UPK3A: variants seen among roughly 807,000 people sequenced by gnomAD.
UPK3A encodes uroplakin-3a.
Under a neutral mutation model 27.6 loss-of-function variants are expected in UPK3A, and 32 were observed. The ratio of observed to expected loss-of-function variants is 1.16; its 90% confidence interval spans 0.87 to 1.55. UPK3A has a LOEUF of 1.55. Among genes scored for constraint, UPK3A ranks in the 40% most tolerant of loss-of-function variants. UPK3A has a pLI of 0.00. For missense variants in UPK3A, 370 were observed against 367.9 expected (o/e 1.01, Z -0.05); for synonymous variants, 171 against 163.9 (o/e 1.04, Z -0.33).
rs752634913 is a variant in UPK3A, at chr22:45,293,238, T to C, written c.629T>C (p.Val210Ala). 8.7e-6 allele frequency: 14 copies of C among 1,614,040 alleles called. No individual in the cohort carries two copies. The highest frequency in any genetic ancestry group is 1.7e-5 in the Admixed American group (1 of 60,000). The change falls in exon 5 of 6, where the codon GTC becomes GCC. Residue 210 changes from valine (V) to alanine (A), a missense_variant. Transcript: ENST00000216211. ...GGCCGGCGGAGCGGAGGCATGATCG[T>C]CATCACTTCCATCCTGGGCTCCCTG... ...WPGRRSGGMI[V>A]ITSILGSLPF...
chr22:45,292,276 G>C (rs2084167289), intron 4 of UPK3A, among the ~76,000 whole-genome samples: 1 of 152,160 alleles, frequency 6.6e-6, no homozygotes, highest in Admixed American at 6.5e-5. Context: ...CCCATCTGGG[G>C]GACAGCATGC....
chr22:45,285,017 C>T lies in UPK3A; in HGVS notation c.4C>T (p.Pro2Ser). 2 of 1,532,294 alleles carry T rather than the reference C, an allele frequency of 1.3e-6. No individual in the cohort carries two copies. Among genetic ancestry groups the T allele is most frequent in the Non-Finnish European group, 1.7e-6 (2 of 1,146,088 alleles). The allele number at this position is 1,532,294 out of a possible 1,614,324, so 94.9% of individuals were successfully genotyped here. A position where few individuals can be genotyped will look rare whatever the true frequency, so the allele number is the denominator to read the frequency against. M[P>S]PLWALLALGC... ...CTCTGGCGGCTCCTCCCGGGCGATGCCTCCGCTCTGGGCCCTGCTGGCCCT... is the reference window on the plus strand; with the variant it reads ...CTCTGGCGGCTCCTCCCGGGCGATGTCTCCGCTCTGGGCCCTGCTGGCCCT... Residue 2 changes from proline (P) to serine (S), a missense_variant, in exon 1 of 6, where the codon CCT (proline) becomes TCT (serine). Transcript: ENST00000216211.
chr22:45,290,675 T>C (rs912242015), intron 4 of UPK3A, among the ~76,000 whole-genome samples: 3 of 151,988 alleles, frequency 2.0e-5, no homozygotes, highest in African/African-American at 7.3e-5. Context: ...CATGGACCAG[T>C]ACCAGTCCAT....
intron 3 of UPK3A, among the ~76,000 whole-genome samples, chr22:45,288,743 C>T (rs1200470149): frequency 1.3e-5 from 2 of 152,128 alleles, no homozygotes; most frequent in Non-Finnish European, 2.9e-5. Flanking sequence ...AACTATGCCA[C>T]GTGTGTTACA....
rs745526010 is a variant in UPK3A at position 45,293,296 on chromosome 22, C to T, written c.687C>T (p.Ala229=). ...TTCTACTTGTGGGTTTTGCTGGCGC[C>T]ATTGCCCTCAGCCTCGTGTAAGTAC... The part of the protein sequence containing the change: ...PFFLLVGFAG[A]IALSLVDMGS... Residue 229 remains alanine, a synonymous_variant, in exon 5 of 6, where the codon GCC becomes GCT. Coordinates refer to ENST00000216211, the MANE Select transcript of UPK3A (RefSeq NM_006953.4). 6.2e-7 allele frequency: 1 copy of T among 1,613,916 alleles called. No individual in the cohort carries two copies. The highest frequency in any genetic ancestry group is 1.1e-5 in the South Asian group (1 of 91,088).
At chr22:45,293,382 C>T in intron 5 of UPK3A, 69 bp downstream of exon 5, 9 of 1,597,894 alleles carry the variant, frequency 5.6e-6, no homozygotes, top group Non-Finnish European at 7.7e-6. Context: ...CACAGGGACT[C>T]AGCAGTGGGG....
At chr22:45,285,221 T>A (rs1341999349) in intron 1 of UPK3A, among the ~76,000 whole-genome samples, 156 bp downstream of exon 1, 1 of 152,144 alleles carries the variant, frequency 6.6e-6, no homozygotes, top group African/African-American at 2.4e-5. Context: ...CCTCCTCTGT[T>A]GGGAATCCGA....
At position 45,285,077 on chromosome 22, in the gene UPK3A, A is replaced by G; in HGVS notation, c.52+12A>G. ...GCGGTTCGGCTCGGGTAGGCGGTGA[A>G]GGGCAGGAGGGGGCTGAGCCCAGAA... is the stretch of plus-strand genomic sequence containing the variant. On this transcript the variant is annotated intron_variant, in intron 1 of 5. Transcript: ENST00000216211. 2 of 1,534,988 alleles carry G rather than the reference A, an allele frequency of 1.3e-6. No homozygotes were observed. Among genetic ancestry groups the G allele is most frequent in the Non-Finnish European group, 1.7e-6 (2 of 1,147,158 alleles).
At chr22:45,290,022 GAT>G (rs2084149202) in intron 4 of UPK3A, among the ~76,000 whole-genome samples, 1 of 152,134 alleles carries the variant, frequency 6.6e-6, no homozygotes, top group South Asian at 2.1e-4. Context: ...GGCCAGGTAA[GAT>G]GTTTCCAAGG....
At chr22:45,292,196 GCAGCAGGGTTCCTTTGGGGAACC>G (rs2084166487) in intron 4 of UPK3A, among the ~76,000 whole-genome samples, 1 of 152,186 alleles carries the variant, frequency 6.6e-6, no homozygotes, top group Non-Finnish European at 1.5e-5. Context: ...ATGGGCCTCT[GCAGCAGGGTTCCTTTGGGGAACC>G]CAGGCAGAAG....
intron 4 of UPK3A, among the ~76,000 whole-genome samples, chr22:45,292,719 C>T (rs1476036699): frequency 6.6e-6 from 1 of 151,626 alleles, no homozygotes; most frequent in Non-Finnish European, 1.5e-5. Flanking sequence ...GACTGGGCAA[C>T]ATGGTGAAAC....
chr22:45,285,805 G>A (rs1251487134), intron 1 of UPK3A, 136 bp from the exon 2 acceptor site: 5 of 1,288,086 alleles, frequency 3.9e-6, no homozygotes, highest in Non-Finnish European at 5.4e-6. Flanking sequence ...GGCAGTGTCT[G>A]AGACAGCTTA....
intron 4 of UPK3A, among the ~76,000 whole-genome samples, chr22:45,292,753 A>G (rs2084170020): frequency 2.0e-5 from 3 of 151,962 alleles, no homozygotes; most frequent in Admixed American, 1.3e-4. Context: ...AAAAAAGTAC[A>G]ACAAATTAGC....
chr22:45,293,342 A>C, intron 5 of UPK3A, 29 bp downstream of exon 5: 1 of 1,612,410 alleles, frequency 6.2e-7, no homozygotes, highest in Non-Finnish European at 8.5e-7. Flanking sequence ...GGAGGGCTGG[A>C]CCCCAGGGAC....
Position 45,295,571 on chromosome 22 carries a change from G to T in UPK3A, c.716G>T (p.Ser239Ile), listed in dbSNP as rs1211227466. The T allele has an allele frequency of 6.2e-7, 1 of 1,613,992 alleles. No individual in the cohort carries two copies. The highest frequency in any genetic ancestry group is 8.5e-7 in the Non-Finnish European group (1 of 1,180,036). Residue 239 changes from serine (S) to isoleucine (I), a missense_variant, in exon 6 of 6, where the codon AGT becomes ATT. Physicochemically the swap from Ser to Ile is moderately radical, Grantham distance 142. Transcript: ENST00000216211. ...AIALSLVDMG[S>I]SDGETTHDSQ... ...ATCCCCTTGGACAGGGACATGGGGAGTTCTGATGGGGAAACGACTCACGAC... is the reference window on the plus strand; with the variant it reads ...ATCCCCTTGGACAGGGACATGGGGATTTCTGATGGGGAAACGACTCACGAC...
intron 1 of UPK3A, among the ~76,000 whole-genome samples, chr22:45,285,474 T>C (rs2084111010): frequency 6.6e-6 from 1 of 151,710 alleles, no homozygotes; most frequent in African/African-American, 2.4e-5. Flanking sequence ...GGGGAGCCTG[T>C]GGGGGAAGGG....
rs1450490898 is a variant in UPK3A, at chr22:45,293,408, G to A, written c.704+95G>A. 9.1e-6 allele frequency: 14 copies of A among 1,539,874 alleles called. No individual in the cohort carries two copies. The Admixed American group carries it at 1.0e-4, about 11-fold the overall frequency. On this transcript the variant is annotated intron_variant, in intron 5 of 5. Coordinates refer to ENST00000216211, the MANE Select transcript of UPK3A (RefSeq NM_006953.4). ...AGCAGTGGGGTCCTCCGAGGCAGGG[G>A]ACAGCCCGGAAGGCAAGGAAGCTAC... is the stretch of plus-strand genomic sequence containing the variant.
intron 2 of UPK3A, 75 bp from the exon 3 acceptor site, chr22:45,287,097 C>CA: frequency 6.2e-7 from 1 of 1,601,638 alleles, no homozygotes; most frequent in Non-Finnish European, 8.5e-7. Context: ...GATGATCAGG[C>CA]ATTTGATGAA....
chr22:45,291,849 A>T (rs1437532334), intron 4 of UPK3A, among the ~76,000 whole-genome samples: 2 of 123,960 alleles, frequency 1.6e-5, no homozygotes, highest in African/African-American at 3.2e-5. Flanking sequence ...GTGACTGTGT[A>T]TGTGAGTTGG....
Sources: allele counts gnomAD v4.1 joint callset (sites outside exome capture counted in the v4.1 genomes callset), GRCh38; gene constraint gnomAD v4.1.1; transcripts MANE v1.5; gene names NCBI Gene and HGNC (gene_info 2026-07-23, HGNC 2026-07-21).